PRKCA: variants seen among roughly 807,000 people sequenced by gnomAD.
PRKCA encodes protein kinase C alpha type.
PRKCA carries 27 observed loss-of-function variants against 87.0 expected under a neutral mutation model. That is an observed-to-expected ratio of 0.31 (90% CI 0.23 to 0.43). The LOEUF (loss-of-function observed/expected upper bound fraction) is 0.43, where lower values mean the gene tolerates loss of function less well. Among genes scored for constraint, PRKCA ranks in the 20% least tolerant of loss-of-function variants. PRKCA has a pLI of 1.00. For missense variants in PRKCA, 518 were observed against 852.3 expected (o/e 0.61, Z 4.88); for synonymous variants, 329 against 311.1 (o/e 1.06, Z -0.61).
chr17:66,646,804 C>A (rs1971469848), intron 5 of PRKCA, among the ~76,000 whole-genome samples: 1 of 152,180 alleles, frequency 6.6e-6, no homozygotes. Context: ...TCCAAGGTAT[C>A]ACTGGGAGAG....
At chr17:66,443,210 T>C (rs1163470458) in intron 2 of PRKCA, among the ~76,000 whole-genome samples, 2 of 152,226 alleles carry the variant, frequency 1.3e-5, no homozygotes, top group East Asian at 1.9e-4. Flanking sequence ...CTGGGACTGC[T>C]CTTTCTGAAT....
chr17:66,764,554 C>T (rs1406304334), intron 13 of PRKCA, among the ~76,000 whole-genome samples: 1 of 152,218 alleles, frequency 6.6e-6, no homozygotes, highest in African/African-American at 2.4e-5. Context: ...TTGTAACATC[C>T]TGACATTCCC....
chr17:66,805,020 T>C lies in PRKCA; in HGVS notation c.*983T>C, dbSNP rs547534350. ...CTTATTTATTTAATAGGCTGCAGTGTCGCTTATGAAAGTACGATGTACAGT... is the reference window on the plus strand; with the variant it reads ...CTTATTTATTTAATAGGCTGCAGTGCCGCTTATGAAAGTACGATGTACAGT... On this transcript the variant is annotated 3_prime_UTR_variant, in exon 17 of 17. Transcript: ENST00000413366. The C allele has an allele frequency of 1.2e-4, 121 of 984,960 alleles. No individual in the cohort carries two copies. The African/African-American group carries it at 2.0e-3, about 16-fold the overall frequency. The allele number at this position is 984,960 out of a possible 1,614,324, so 61.0% of individuals were successfully genotyped here. A position where few individuals can be genotyped will look rare whatever the true frequency, so the allele number is the denominator to read the frequency against.
intron 8 of PRKCA, among the ~76,000 whole-genome samples, chr17:66,723,209 C>T (rs1229214399): frequency 6.6e-6 from 1 of 152,236 alleles, no homozygotes; most frequent in Non-Finnish European, 1.5e-5. Flanking sequence ...CTAGCCCAGG[C>T]AGCATGCAGT....
chr17:66,690,056 G>A (rs1262140530), intron 8 of PRKCA, among the ~76,000 whole-genome samples: 4 of 152,054 alleles, frequency 2.6e-5, no homozygotes, highest in Admixed American at 2.0e-4. Context: ...GATCTGGGGG[G>A]TGGGGAAGAG....
intron 14 of PRKCA, among the ~76,000 whole-genome samples, chr17:66,784,657 A>G (rs749483933): frequency 3.9e-5 from 6 of 152,244 alleles, no homozygotes; most frequent in African/African-American, 1.2e-4. Context: ...ATAGATGTCC[A>G]GAAGAAGCAG....
intron 3 of PRKCA, among the ~76,000 whole-genome samples, chr17:66,567,653 AC>A (rs1162698550): frequency 6.6e-6 from 1 of 152,078 alleles, no homozygotes; most frequent in African/African-American, 2.4e-5. Flanking sequence ...ACCCTCTGTT[AC>A]CTCAAGATTT....
At chr17:66,393,601 C>G (rs971262839) in intron 2 of PRKCA, among the ~76,000 whole-genome samples, 6 of 152,010 alleles carry the variant, frequency 3.9e-5, no homozygotes, top group Non-Finnish European at 7.4e-5. Context: ...GCACATGGGT[C>G]CCTGCAGGAG....
chr17:66,306,180 C>T, intron 2 of PRKCA, 53 bp downstream of exon 2: 1 of 1,477,822 alleles, frequency 6.8e-7, no homozygotes, highest in South Asian at 1.2e-5. Context: ...ATAAGCATTC[C>T]AAACAAGAAC....
In PRKCA at chr17:66,510,283, A is replaced by T. The variant is rs187409642; in HGVS notation, c.288+14000A>T. ...GAAAGAGAATTTTGTTTTCGGGGGGAAAAGGTTTTTTGTGTTGAGGGACTC... is the reference window on the plus strand; with the variant it reads ...GAAAGAGAATTTTGTTTTCGGGGGGTAAAGGTTTTTTGTGTTGAGGGACTC... On this transcript the variant is annotated intron_variant, in intron 3 of 16. Coordinates refer to ENST00000413366, the MANE Select transcript of PRKCA (RefSeq NM_002737.3). Among the ~76,000 whole-genome samples the T allele has an allele frequency of 6.4e-3, 972 of 152,138 alleles. 32 individuals are homozygous for T. Among genetic ancestry groups the T allele is most frequent in the Admixed American group, 0.055 (841 of 15,272 alleles).
chr17:66,503,105 G>A (rs547813068), intron 3 of PRKCA, among the ~76,000 whole-genome samples: 10 of 152,330 alleles, frequency 6.6e-5, no homozygotes, highest in Admixed American at 3.9e-4. Flanking sequence ...ATTTGAGAAA[G>A]TAAGGGGTGG....
chr17:66,699,930 G>A (rs1973021630), intron 8 of PRKCA, among the ~76,000 whole-genome samples: 1 of 152,234 alleles, frequency 6.6e-6, no homozygotes, highest in African/African-American at 2.4e-5. Context: ...AACACTGAAA[G>A]GGAAAGAACA....
chr17:66,404,419 C>T (rs1265651460), intron 2 of PRKCA, among the ~76,000 whole-genome samples: 1 of 152,170 alleles, frequency 6.6e-6, no homozygotes, highest in Non-Finnish European at 1.5e-5. Flanking sequence ...TACATTGCAG[C>T]ATTACGCTGC....
intron 15 of PRKCA, 73 bp downstream of exon 15, chr17:66,787,047 C>T: frequency 8.7e-7 from 1 of 1,149,344 alleles, no homozygotes; most frequent in Non-Finnish European, 1.3e-6. Context: ...CCCCACACTT[C>T]TAAGAGAGAT....
chr17:66,797,225 T>C (rs957111068), intron 16 of PRKCA, among the ~76,000 whole-genome samples: 5 of 152,218 alleles, frequency 3.3e-5, no homozygotes, highest in Non-Finnish European at 5.9e-5. Context: ...TGAAAGGGGC[T>C]GTGAGCAATG....
intron 3 of PRKCA, among the ~76,000 whole-genome samples, chr17:66,628,888 G>T (rs146981159): frequency 6.6e-6 from 1 of 152,110 alleles, no homozygotes; most frequent in Non-Finnish European, 1.5e-5. Flanking sequence ...AATTAGCCAG[G>T]CATGTTGGCG....
intron 5 of PRKCA, among the ~76,000 whole-genome samples, chr17:66,655,805 AGCCCT>A (rs1489576410): frequency 1.3e-5 from 2 of 152,192 alleles, no homozygotes; most frequent in East Asian, 3.9e-4. Context: ...TCCCCATTTT[AGCCCT>A]ACATCTGGAT....
At chr17:66,574,557 T>G (rs1213041094) in intron 3 of PRKCA, among the ~76,000 whole-genome samples, 1 of 152,094 alleles carries the variant, frequency 6.6e-6, no homozygotes, top group Non-Finnish European at 1.5e-5. Flanking sequence ...AGCCTAAAAC[T>G]CCAATAGTGT....
chr17:66,767,637 C>T (rs2144318506), intron 13 of PRKCA, among the ~76,000 whole-genome samples: 1 of 152,314 alleles, frequency 6.6e-6, no homozygotes, highest in South Asian at 2.1e-4. Context: ...CCTTACTGCT[C>T]ACACACAGTC....
Sources: allele counts gnomAD v4.1 joint callset (sites outside exome capture counted in the v4.1 genomes callset), GRCh38; gene constraint gnomAD v4.1.1; transcripts MANE v1.5; gene names NCBI Gene and HGNC (gene_info 2026-07-23, HGNC 2026-07-21).